SBF1: variants seen among roughly 807,000 people sequenced by gnomAD.
SBF1 encodes SET binding factor 1.
A neutral mutation model predicts 215.8 loss-of-function variants in SBF1; 65 were observed. The observed-to-expected ratio is 0.30, with a 90% CI of 0.25 to 0.37. The LOEUF (loss-of-function observed/expected upper bound fraction) is 0.37, where lower values mean the gene tolerates loss of function less well. SBF1 is among the 10% of genes least tolerant of loss of function. The probability of loss-of-function intolerance (pLI) is 1.00; values close to 1 mark genes in which losing one functional copy is unlikely to be tolerated. For missense variants in SBF1, 2,634 were observed against 2,667.8 expected (o/e 0.99, Z 0.28); for synonymous variants, 1,410 against 1,122.8 (o/e 1.26, Z -5.11).
rs534439075 is a variant in SBF1, at chr22:50,465,514, A to G, written c.1090-186T>C. Among the ~76,000 whole-genome samples, 3 of 152,306 alleles carry G rather than the reference A, an allele frequency of 2.0e-5. No individual in the cohort carries two copies. In the East Asian group the frequency reaches 5.8e-4, roughly 29 times the overall value. ...TGTCTGGACAAGGCACTCCTGGCTC[A>G]GCACCCTCAAGGGCTCCTGTGATCA... On this transcript the variant is annotated intron_variant, in intron 10 of 40. Coordinates refer to ENST00000380817, the MANE Select transcript of SBF1 (RefSeq NM_002972.4).
chr22:50,461,707 C>G lies in SBF1; in HGVS notation c.2655G>C (p.Leu885=), dbSNP rs766609667. ...RLPPIQKPKL[L]RPRLLPGEEC... is the part of the protein sequence containing the mutation. ...CCTCACCCGGCAGCAGGCGCGGCCG[C>G]AGCAGCTTGGGCTGCTCGAAAACAA... is the stretch of plus-strand genomic sequence containing the variant. Residue 885 remains leucine (L), a synonymous_variant, in exon 22 of 41, where the codon CTG becomes CTC. Coordinates refer to ENST00000380817, the MANE Select transcript of SBF1 (RefSeq NM_002972.4). The G allele has an allele frequency of 6.2e-7, 1 of 1,609,902 alleles. No homozygotes were observed. Among genetic ancestry groups the G allele is most frequent in the African/African-American group, 1.3e-5 (1 of 75,014 alleles).
Position 50,466,421 on chromosome 22 carries a change from C to T in SBF1, c.717G>A (p.Leu239=), listed in dbSNP as rs2067758621. The change falls in exon 7 of 41, where the codon CTG becomes CTA. Residue 239 remains leucine, a synonymous_variant. Transcript: ENST00000380817. The part of the protein sequence containing the change: ...AALTEHKVLF[L]SRSYQRLADA... ...CGGCGAGCCGCTGGTAGCTCCGGGACAGGAAGAGAACCTTGTGCTCCGTGA... is the reference window on the plus strand; with the variant it reads ...CGGCGAGCCGCTGGTAGCTCCGGGATAGGAAGAGAACCTTGTGCTCCGTGA... The T allele has an allele frequency of 1.3e-6, 2 of 1,552,784 alleles. No individual in the cohort carries two copies. Among genetic ancestry groups the T allele is most frequent in the African/African-American group, 1.4e-5 (1 of 73,100 alleles).
In SBF1 at chr22:50,447,124, CG is replaced by C. The variant is rs756779631; in HGVS notation, c.*17del. On this transcript the variant is annotated 3_prime_UTR_variant, in exon 41 of 41. Transcript: ENST00000380817. ...CGGTAACGACCGGAAGCAGAGCAGC[CG>C]GGCAGGGCTGGGAGGCTCAGGCGTC... 6.9e-6 allele frequency: 11 copies of C among 1,604,256 alleles called. No homozygotes were observed. The South Asian group carries it at 1.1e-4, about 16-fold the overall frequency.
intron 10 of SBF1, 94 bp downstream of exon 10, chr22:50,465,669 T>C: frequency 1.6e-6 from 2 of 1,214,868 alleles, no homozygotes; most frequent in Non-Finnish European, 1.1e-6. Flanking sequence ...GGGGCCAGCC[T>C]GGGGGTGGGG....
chr22:50,469,574 G>A (rs935338277), intron 1 of SBF1, among the ~76,000 whole-genome samples: 1 of 152,202 alleles, frequency 6.6e-6, no homozygotes, highest in Non-Finnish European at 1.5e-5. Context: ...TGGAGCAGGT[G>A]CAGCAGGAAA....
At position 50,464,720 on chromosome 22, in the gene SBF1, C is replaced by T. The variant is rs761073325; in HGVS notation, c.1450G>A (p.Val484Met). 1.8e-5 allele frequency: 29 copies of T among 1,606,726 alleles called. No homozygotes were observed. The Middle Eastern group carries it at 8.2e-4, about 46-fold the overall frequency. ...LYKNENPYPA[V>M]AMHKVQRPGE... is the part of the protein sequence containing the mutation. Reference sequence around the variant, plus strand: ...GGCCTCTGTACCTTGTGCATCGCCACGGCTGGGTACGGGTTCTCCTGTGGG... The same window carrying T: ...GGCCTCTGTACCTTGTGCATCGCCATGGCTGGGTACGGGTTCTCCTGTGGG... Residue 484 changes from valine (V) to methionine (M), a missense_variant, in exon 14 of 41, where the codon GTG becomes ATG. Val to Met is a conservative substitution (Grantham distance 21, BLOSUM62 1). Transcript: ENST00000380817.
chr22:50,466,525 C>A, intron 6 of SBF1, 43 bp from the exon 7 acceptor site: 5 of 1,530,538 alleles, frequency 3.3e-6, no homozygotes, highest in Non-Finnish European at 4.4e-6. Context: ...TGGGCCCCCA[C>A]CCAGGCAGAG....
At chr22:50,468,259 C>A (rs973674487) in intron 2 of SBF1, 117 bp downstream of exon 2, 3 of 995,680 alleles carry the variant, frequency 3.0e-6, no homozygotes, top group South Asian at 1.5e-5. Context: ...GCTGTCTTGT[C>A]CCTAGCCCAG....
At chr22:50,463,750 C>G (rs933511296) in intron 15 of SBF1, among the ~76,000 whole-genome samples, 1 of 152,246 alleles carries the variant, frequency 6.6e-6, no homozygotes, top group African/African-American at 2.4e-5. Flanking sequence ...CTCAGTGACT[C>G]GCCTGGCACA....
In SBF1 at chr22:50,446,956, C is replaced by T. The variant is rs555912344; in HGVS notation, c.*186G>A. 3.7e-5 allele frequency: 26 copies of T among 710,314 alleles called. No homozygotes were observed. The highest frequency in any genetic ancestry group is 1.0e-4 in the African/African-American group (6 of 57,240). 44.0% of individuals were successfully genotyped at this position (710,314 alleles called of 1,614,324 possible). On this transcript the variant is annotated 3_prime_UTR_variant, in exon 41 of 41. Transcript: ENST00000380817. ...CTCCCGGCACGGTGCTCAGCTGTGA[C>T]GCCAAAATAAGTTAGGGCCGGCCGG... is the stretch of plus-strand genomic sequence containing the variant.
At chr22:50,468,328 C>T in intron 2 of SBF1, 48 bp downstream of exon 2, 1 of 1,560,232 alleles carries the variant, frequency 6.4e-7, no homozygotes, top group Non-Finnish European at 8.8e-7. Flanking sequence ...GCTGTGCCCA[C>T]CTGCCCTCCC....
chr22:50,461,705 C>A lies in SBF1; in HGVS notation c.2657G>T (p.Arg886Leu). 6.2e-7 allele frequency: 1 copy of A among 1,609,816 alleles called. No individual in the cohort carries two copies. Among genetic ancestry groups the A allele is most frequent in the Non-Finnish European group, 8.5e-7 (1 of 1,178,928 alleles). ...LPPIQKPKLL[R>L]PRLLPGEECV... ...CTCCTCACCCGGCAGCAGGCGCGGC[C>A]GCAGCAGCTTGGGCTGCTCGAAAAC... The change falls in exon 22 of 41, where the codon CGG becomes CTG. Residue 886 changes from arginine (R) to leucine (L), a missense_variant. Transcript: ENST00000380817.
rs775617395 is a variant in SBF1 at position 50,454,913 on chromosome 22, C to A, written c.4713G>T (p.Arg1571Ser). ...ACACAGACCTGCACGGCACCTGGCC[C>A]CTGCGTTCCCCCTTCTCCTCATACA... ...GLLYEEKGER[R>S]GQVPCRSVWE... is the part of the protein sequence containing the mutation. The change falls in exon 35 of 41, where the codon AGG becomes AGT. Residue 1571 changes from arginine (R) to serine (S), a missense_variant. Transcript: ENST00000380817. 1.2e-6 allele frequency: 2 copies of A among 1,613,962 alleles called. No individual in the cohort carries two copies. Among genetic ancestry groups the A allele is most frequent in the Non-Finnish European group, 1.7e-6 (2 of 1,180,012 alleles).
At chr22:50,450,079 CT>C (rs2148557114) in intron 36 of SBF1, among the ~76,000 whole-genome samples, 1 of 152,344 alleles carries the variant, frequency 6.6e-6, no homozygotes, top group Admixed American at 6.5e-5. Flanking sequence ...GCAGCTGGGT[CT>C]GCAGGGCAGC....
intron 29 of SBF1, 148 bp from the exon 30 acceptor site, chr22:50,456,821 T>C: frequency 2.6e-6 from 2 of 775,100 alleles, no homozygotes; most frequent in Non-Finnish European, 4.0e-6. Flanking sequence ...AGAGGAGGGC[T>C]GGAACACACA....
rs1425995206 is a variant in SBF1 at position 50,461,258 on chromosome 22, G to A, written c.2868C>T (p.Phe956=). The change falls in exon 23 of 41, where the codon TTC becomes TTT. Residue 956 remains phenylalanine (F), a synonymous_variant. Coordinates refer to ENST00000380817, the MANE Select transcript of SBF1 (RefSeq NM_002972.4). ...LVGEQVVVRS[F]PVAALTKEKR... ...TCTCCTTGGTCAGCGCAGCCACCGG[G>A]AAGGAGCGGACCACCACCTGCTCCC... 6.2e-7 allele frequency: 1 copy of A among 1,612,402 alleles called. No homozygotes were observed. Among genetic ancestry groups the A allele is most frequent in the Non-Finnish European group, 8.5e-7 (1 of 1,179,188 alleles).
Position 50,453,857 on chromosome 22 carries a change from G to A in SBF1, c.5043+655C>T, listed in dbSNP as rs866818596. 4.6e-5 allele frequency among the ~76,000 whole-genome samples: 7 copies of A among 151,258 alleles called. No homozygotes were observed. In the South Asian group the frequency reaches 6.2e-4, roughly 13 times the overall value. ...TGGGGAGCTGAGTGCAGGTCCCCCC[G>A]TGGCCTAGGTCCAAGGTCCACACTC... On this transcript the variant is annotated intron_variant, in intron 36 of 40. Coordinates refer to ENST00000380817, the MANE Select transcript of SBF1 (RefSeq NM_002972.4).
At chr22:50,459,174 T>C (rs2067390208) in intron 28 of SBF1, 81 bp downstream of exon 28, 2 of 1,512,012 alleles carry the variant, frequency 1.3e-6, no homozygotes, top group Non-Finnish European at 1.8e-6. Flanking sequence ...TGCTCCTCCC[T>C]GGCCTGCCTG....
chr22:50,467,847 A>T lies in SBF1; in HGVS notation c.218T>A (p.Ile73Asn). The change falls in exon 3 of 41, where the codon ATC becomes AAC. Residue 73 changes from isoleucine (I) to asparagine (N), a missense_variant. Ile to Asn is a moderately radical substitution (Grantham distance 149). Coordinates refer to ENST00000380817, the MANE Select transcript of SBF1 (RefSeq NM_002972.4). The part of the protein sequence containing the change: ...PTFFVAVLTD[I>N]NSERHYCACL... ...GGCGCAGTAGTGGCGCTCGGAGTTG[A>T]TGTCGGTGAGGACAGCAACAAAGAA... is the stretch of plus-strand genomic sequence containing the variant. 6.2e-7 allele frequency: 1 copy of T among 1,613,962 alleles called. No homozygotes were observed. The highest frequency in any genetic ancestry group is 1.1e-5 in the South Asian group (1 of 91,072).
Sources: gnomAD v4.1 joint callset for allele counts (sites outside exome capture counted in the v4.1 genomes callset) on GRCh38, gnomAD v4.1.1 for gene constraint, MANE v1.5 for transcripts, NCBI Gene and HGNC (gene_info 2026-07-23, HGNC 2026-07-21) for gene names.